ZDHHC14: variants seen among roughly 807,000 people sequenced by gnomAD.
The protein encoded by ZDHHC14 is zDHHC palmitoyltransferase 14, also known as palmitoyltransferase ZDHHC14.
ZDHHC14 carries 16 observed loss-of-function variants against 47.7 expected under a neutral mutation model. The observed-to-expected ratio is 0.34, with a 90% CI of 0.23 to 0.51. The LOEUF is 0.51. Among genes scored for constraint, ZDHHC14 ranks in the 20% least tolerant of loss-of-function variants. The probability of loss-of-function intolerance (pLI) is 0.97; values close to 1 mark genes in which losing one functional copy is unlikely to be tolerated. For missense variants in ZDHHC14, 515 were observed against 662.5 expected, an observed-to-expected ratio of 0.78 and a Z score of 2.44; for synonymous variants, 293 against 278.9, an observed-to-expected ratio of 1.05 and a Z score of -0.50.
chr6:157,672,780 G>T lies in ZDHHC14; in HGVS notation c.1125G>T (p.Thr375=), dbSNP rs974300576. 6.2e-7 allele frequency: 1 copy of T among 1,612,472 alleles called. No individual in the cohort carries two copies. Among genetic ancestry groups the T allele is most frequent in the Non-Finnish European group, 8.5e-7 (1 of 1,179,806 alleles). The change falls in exon 9 of 9, where the codon ACG becomes ACT. Residue 375 remains threonine, a synonymous_variant. Coordinates refer to ENST00000359775, the MANE Select transcript of ZDHHC14 (RefSeq NM_024630.3). ...AATTCGTTTTGCAGGCTGCAGCCACGCCCCTGCTGCAGAGCGAGCCCAGCC... is the reference window on the plus strand; with the variant it reads ...AATTCGTTTTGCAGGCTGCAGCCACTCCCCTGCTGCAGAGCGAGCCCAGCC... ...STKFVLQAAA[T]PLLQSEPSLT... is the part of the protein sequence containing the mutation.
chr6:157,673,375 C>G lies in ZDHHC14; in HGVS notation c.*253C>G. The G allele has an allele frequency of 1.9e-6, 1 of 540,480 alleles. No individual in the cohort carries two copies. The highest frequency in any genetic ancestry group is 3.4e-5 in the East Asian group (1 of 29,250). 33.5% of individuals were successfully genotyped at this position (540,480 alleles called of 1,614,324 possible). On this transcript the variant is annotated 3_prime_UTR_variant, in exon 9 of 9. Transcript: ENST00000359775. The surrounding 1 kb of genome is among the most constrained non-coding windows in gnomAD (Gnocchi z 5.4). The stretch of plus-strand genomic sequence containing the variant: ...ATGGAAATAGAGAAGTGGCTGCTTT[C>G]TTTTGGTGACCCTCCAGGGGTGGAA...
intron 1 of ZDHHC14, among the ~76,000 whole-genome samples, chr6:157,497,507 G>A (rs193176869): frequency 1.3e-5 from 2 of 152,292 alleles, no homozygotes; most frequent in East Asian, 3.9e-4. Flanking sequence ...TGCATGTAAT[G>A]TGTATACCCC....
intron 1 of ZDHHC14, among the ~76,000 whole-genome samples, chr6:157,518,587 C>A (rs1008413010): frequency 6.6e-6 from 1 of 152,226 alleles, no homozygotes; most frequent in African/African-American, 2.4e-5. Context: ...ACCCAACCGC[C>A]CCGGTGCACC....
At chr6:157,632,499 G>A (rs1440174826) in intron 4 of ZDHHC14, 1 of 256,644 alleles carries the variant, frequency 3.9e-6, no homozygotes, top group Non-Finnish European at 7.5e-6. Context: ...AAACAGAAGA[G>A]AAAAGATAGC....
intron 2 of ZDHHC14, among the ~76,000 whole-genome samples, chr6:157,577,006 C>G (rs141272039): frequency 6.6e-6 from 1 of 152,112 alleles, no homozygotes; most frequent in Non-Finnish European, 1.5e-5. Flanking sequence ...TGATCTTCTC[C>G]CCCATCCCAC....
At chr6:157,542,114 G>C (rs1781787417) in intron 1 of ZDHHC14, among the ~76,000 whole-genome samples, 1 of 152,174 alleles carries the variant, frequency 6.6e-6, no homozygotes, top group South Asian at 2.1e-4. Flanking sequence ...TTTGGTGCTG[G>C]CTGAAAGTTC....
chr6:157,624,460 A>G (rs1005111120), intron 3 of ZDHHC14, among the ~76,000 whole-genome samples: 1 of 152,234 alleles, frequency 6.6e-6, no homozygotes, highest in Non-Finnish European at 1.5e-5. Flanking sequence ...GATCTGAGGA[A>G]TATTTTAGTG....
At chr6:157,653,189 T>TG (rs1777920373) in intron 7 of ZDHHC14, among the ~76,000 whole-genome samples, 1 of 152,190 alleles carries the variant, frequency 6.6e-6, no homozygotes, top group South Asian at 2.1e-4. Context: ...CAGTTGAGGC[T>TG]GGAGAGGAGC....
At chr6:157,633,088 G>C (rs1385935730) in intron 5 of ZDHHC14, among the ~76,000 whole-genome samples, 9 of 152,178 alleles carry the variant, frequency 5.9e-5, no homozygotes, top group African/African-American at 2.2e-4. Context: ...TCGAGGGCTA[G>C]GAAGCCAAGT....
Position 157,586,034 on chromosome 6 carries a change from T to G in ZDHHC14, c.407-6954T>G, listed in dbSNP as rs1783687685. On this transcript the variant is annotated intron_variant, in intron 2 of 8. Transcript: ENST00000359775. The surrounding 1 kb of genome is among the most constrained non-coding windows in gnomAD (Gnocchi z 4.6). ...AGACTCTCTGCTGGATGATGGGGAC[T>G]TGAAAGTGGATAGGCCGTGGTCACT... Among the ~76,000 whole-genome samples the G allele has an allele frequency of 6.6e-6, 1 of 152,096 alleles. No homozygotes were observed. Among genetic ancestry groups the G allele is most frequent in the South Asian group, 2.1e-4 (1 of 4,812 alleles).
intron 1 of ZDHHC14, among the ~76,000 whole-genome samples, chr6:157,489,559 C>G (rs993541778): frequency 1.5e-5 from 2 of 136,780 alleles, no homozygotes; most frequent in African/African-American, 5.4e-5. Flanking sequence ...GGTGCAGTCT[C>G]GATTCTGAAT....
chr6:157,489,712 C>G (rs558866920), intron 1 of ZDHHC14, among the ~76,000 whole-genome samples: 3 of 152,314 alleles, frequency 2.0e-5, no homozygotes. Flanking sequence ...TGGCCTCTTA[C>G]AGCAGTGGGG....
intron 1 of ZDHHC14, among the ~76,000 whole-genome samples, chr6:157,431,153 G>A (rs1778332131): frequency 6.6e-6 from 1 of 152,194 alleles, no homozygotes; most frequent in Non-Finnish European, 1.5e-5. Context: ...CTGTGCAATT[G>A]TTTGAATTTA....
chr6:157,565,514 G>A (rs1315398101), intron 2 of ZDHHC14, among the ~76,000 whole-genome samples: 1 of 152,160 alleles, frequency 6.6e-6, no homozygotes, highest in Non-Finnish European at 1.5e-5. Context: ...GCAAGGGTCA[G>A]TGGAGTCAAA....
rs543129521 is a variant in ZDHHC14, at chr6:157,552,088, T to A, written c.406+9343T>A. Reference sequence around the variant, plus strand: ...TAAACAGAAGAAATGACGTCTTCTGTTAATTTTAAAATGCAAAGCTCCGTG... The same window carrying A: ...TAAACAGAAGAAATGACGTCTTCTGATAATTTTAAAATGCAAAGCTCCGTG... On this transcript the variant is annotated intron_variant, in intron 2 of 8. Transcript: ENST00000359775. 2.0e-5 allele frequency among the ~76,000 whole-genome samples: 3 copies of A among 152,272 alleles called. No individual in the cohort carries two copies. In the East Asian group the frequency reaches 5.8e-4, roughly 29 times the overall value.
chr6:157,394,747 AC>A (rs1209553685), intron 1 of ZDHHC14, among the ~76,000 whole-genome samples: 1 of 152,162 alleles, frequency 6.6e-6, no homozygotes, highest in Non-Finnish European at 1.5e-5. Flanking sequence ...GTCTTAACCC[AC>A]TATATCTTGG....
chr6:157,477,743 T>C lies in ZDHHC14; in HGVS notation c.246-64842T>C, dbSNP rs539749994. ...TCCAGACCTGTGGTATATGGAACCATAGCATAGCTCTGCACCATACAGCCA... is the reference window on the plus strand; with the variant it reads ...TCCAGACCTGTGGTATATGGAACCACAGCATAGCTCTGCACCATACAGCCA... On this transcript the variant is annotated intron_variant, in intron 1 of 8. Transcript: ENST00000359775. Among the ~76,000 whole-genome samples, 4 of 152,360 alleles carry C rather than the reference T, an allele frequency of 2.6e-5. No individual in the cohort carries two copies. In the South Asian group the frequency reaches 8.3e-4, roughly 32 times the overall value.
intron 3 of ZDHHC14, among the ~76,000 whole-genome samples, chr6:157,604,763 C>T (rs1488678386): frequency 2.0e-5 from 3 of 152,128 alleles, no homozygotes; most frequent in African/African-American, 4.8e-5. Context: ...AGGCTGGTCT[C>T]GAACTCCTGA....
At chr6:157,648,457 C>T (rs1243402977) in intron 7 of ZDHHC14, among the ~76,000 whole-genome samples, 1 of 151,832 alleles carries the variant, frequency 6.6e-6, no homozygotes, top group Non-Finnish European at 1.5e-5. Context: ...AAAATCCAAG[C>T]ATATATTCCA....
Sources: gnomAD v4.1 joint callset for allele counts (sites outside exome capture counted in the v4.1 genomes callset) on GRCh38, gnomAD v4.1.1 for gene constraint, Gnocchi (gnomAD v3.1) non-coding constraint, MANE v1.5 for transcripts, NCBI Gene and HGNC (gene_info 2026-07-23, HGNC 2026-07-21) for gene names.